The following NCALD variants were observed in gnomAD, a reference collection of about 807,000 sequenced individuals.
NCALD encodes neurocalcin-delta.
A neutral mutation model predicts 18.6 loss-of-function variants in NCALD; 10 were observed. That is an observed-to-expected ratio of 0.54 (90% CI 0.33 to 0.91). NCALD has a LOEUF of 0.91. Ranked by LOEUF, NCALD falls within the 40% of genes least tolerant of loss-of-function variation. The probability of loss-of-function intolerance (pLI) is 0.03; values close to 1 mark genes in which losing one functional copy is unlikely to be tolerated. For missense variants in NCALD, 184 were observed against 247.6 expected (o/e 0.74, Z 1.72); for synonymous variants, 88 against 87.4 (o/e 1.01, Z -0.04).
intron 2 of NCALD, among the ~76,000 whole-genome samples, chr8:101,695,229 A>G (rs1246099388): frequency 6.6e-6 from 1 of 152,220 alleles, no homozygotes; most frequent in Non-Finnish European, 1.5e-5. Context: ...GGAGTTGCAG[A>G]GGTGTTGCGG....
chr8:101,953,903 G>A (rs909624581), intron 2 of NCALD, among the ~76,000 whole-genome samples: 1 of 152,250 alleles, frequency 6.6e-6, no homozygotes, highest in African/African-American at 2.4e-5. Context: ...ATCAATCCCA[G>A]AGCTTGTGGC....
Position 101,743,574 on chromosome 8 carries a change from G to C in NCALD, c.-19-23926C>G, listed in dbSNP as rs187614624. Reference sequence around the variant, plus strand: ...GGGGATGTTGACAGGTGAGTACAAAGGGAAAGTGATACTTTCCTCTTGAAC... The same window carrying C: ...GGGGATGTTGACAGGTGAGTACAAACGGAAAGTGATACTTTCCTCTTGAAC... On this transcript the variant is annotated intron_variant, in intron 1 of 3. Transcript: ENST00000220931. Among the ~76,000 whole-genome samples the C allele has an allele frequency of 7.2e-4, 110 of 152,252 alleles. 1 individual carries two copies. The highest frequency in any genetic ancestry group is 1.0e-4 in the Non-Finnish European group (7 of 68,018).
At chr8:101,813,079 T>C (rs2131149993) in intron 4 of NCALD, among the ~76,000 whole-genome samples, 1 of 152,194 alleles carries the variant, frequency 6.6e-6, no homozygotes, top group Admixed American at 6.6e-5. Flanking sequence ...GAGATAGCAG[T>C]GAACAAGAAA....
intron 2 of NCALD, among the ~76,000 whole-genome samples, chr8:101,987,955 C>T (rs1820878198): frequency 6.6e-6 from 1 of 151,936 alleles, no homozygotes; most frequent in African/African-American, 2.4e-5. Flanking sequence ...GAGATCGAGA[C>T]CATCTTGGCT....
chr8:102,037,668 T>C (rs900921767), intron 1 of NCALD, among the ~76,000 whole-genome samples: 1 of 152,154 alleles, frequency 6.6e-6, no homozygotes, highest in Non-Finnish European at 1.5e-5. Flanking sequence ...TAACATATAT[T>C]ACACTTACAA....
At chr8:101,755,655 G>T (rs887080377) in intron 1 of NCALD, among the ~76,000 whole-genome samples, 1 of 152,192 alleles carries the variant, frequency 6.6e-6, no homozygotes, top group African/African-American at 2.4e-5. Flanking sequence ...CAGGGAATAG[G>T]TTTTAAAAAG....
At chr8:101,730,129 C>T (rs1816751772) in intron 1 of NCALD, among the ~76,000 whole-genome samples, 1 of 152,092 alleles carries the variant, frequency 6.6e-6, no homozygotes, top group African/African-American at 2.4e-5. Flanking sequence ...GTATGAAACC[C>T]ATATACTCTA....
intron 1 of NCALD, among the ~76,000 whole-genome samples, chr8:102,022,981 C>T (rs978587059): frequency 6.6e-6 from 1 of 152,188 alleles, no homozygotes; most frequent in Admixed American, 6.5e-5. Context: ...CACCCCATCT[C>T]ACACCCTCCC....
At chr8:101,758,337 C>A (rs1810972529) in intron 1 of NCALD, among the ~76,000 whole-genome samples, 1 of 152,296 alleles carries the variant, frequency 6.6e-6, no homozygotes, top group Admixed American at 6.5e-5. Context: ...CTGCTGACAT[C>A]CCAGTCTCCA....
intron 1 of NCALD, among the ~76,000 whole-genome samples, chr8:101,764,016 C>CACACACACACA (rs1563744473): frequency 6.6e-4 from 10 of 15,220 alleles, no homozygotes; most frequent in South Asian, 2.1e-3. Context: ...ACACACACAC[C>CACACACACACA]CCCTATTGGT....
chr8:101,824,404 A>G (rs540080205), intron 4 of NCALD, among the ~76,000 whole-genome samples: 3 of 152,270 alleles, frequency 2.0e-5, no homozygotes, highest in African/African-American at 7.2e-5. Context: ...ACAAATACAC[A>G]CAGAGCCTGC....
intron 1 of NCALD, among the ~76,000 whole-genome samples, chr8:102,064,638 G>A (rs1823946851): frequency 6.6e-6 from 1 of 152,196 alleles, no homozygotes; most frequent in Non-Finnish European, 1.5e-5. Context: ...GCCCCTTGGG[G>A]ATGGCAGCTA....
chr8:102,091,539 C>T (rs967749431), intron 1 of NCALD, among the ~76,000 whole-genome samples: 2 of 152,194 alleles, frequency 1.3e-5, no homozygotes, highest in African/African-American at 4.8e-5. Flanking sequence ...AACCCCATAT[C>T]AGCATGGTTT....
intron 2 of NCALD, among the ~76,000 whole-genome samples, chr8:101,709,537 T>C (rs1815689470): frequency 6.6e-6 from 1 of 152,202 alleles, no homozygotes; most frequent in Admixed American, 6.5e-5. Context: ...GGGAGGCAAA[T>C]GTAATTCCAT....
At chr8:102,050,810 T>C (rs914345520) in intron 1 of NCALD, among the ~76,000 whole-genome samples, 328 of 132,764 alleles carry the variant, frequency 2.5e-3, no homozygotes, top group Non-Finnish European at 4.2e-3. Context: ...TTAATTAATT[T>C]AATCATTTTT....
intron 4 of NCALD, among the ~76,000 whole-genome samples, chr8:101,842,889 A>C (rs562249013): frequency 6.6e-6 from 1 of 152,134 alleles, no homozygotes; most frequent in Non-Finnish European, 1.5e-5. Flanking sequence ...GAGAGAGAGA[A>C]AGGAGAGAAA....
rs111851798 is a variant in NCALD, at chr8:101,796,222, A to G, written c.-19-76574T>C. 7.3e-3 allele frequency among the ~76,000 whole-genome samples: 1,109 copies of G among 152,336 alleles called. 14 individuals carry two copies. The highest frequency in any genetic ancestry group is 0.024 in the African/African-American group (994 of 41,568). ...TTTTCCCCCTTTCTGACTACCTTCCAGAAAAATCGACCCTCTTTAAAGGAA... is the reference window on the plus strand; with the variant it reads ...TTTTCCCCCTTTCTGACTACCTTCCGGAAAAATCGACCCTCTTTAAAGGAA... On this transcript the variant is annotated intron_variant, in intron 4 of 6. Coordinates refer to the NCALD transcript ENST00000311028.
Position 101,719,367 on chromosome 8 carries a change from G to T in NCALD, c.263C>A (p.Ala88Asp). ...CTTCCCCCTCGAAGTTACACTCAAG[G>T]CGATGATGAATTCTCTAAAGTCTAT... ...GTIDFREFII[A>D]LSVTSRGKLE... Residue 88 changes from alanine (A) to aspartate (D), a missense_variant, in exon 2 of 4, where the codon GCC becomes GAC. Coordinates refer to ENST00000220931, the MANE Select transcript of NCALD (RefSeq NM_032041.3). The T allele has an allele frequency of 3.1e-6, 5 of 1,614,202 alleles. No individual in the cohort carries two copies. The highest frequency in any genetic ancestry group is 4.2e-6 in the Non-Finnish European group (5 of 1,180,040).
chr8:102,114,343 T>C (rs10111205), intron 1 of NCALD, among the ~76,000 whole-genome samples: 32,284 of 152,134 alleles, frequency 0.21, 3,843 homozygotes, highest in Middle Eastern at 0.3. Context: ...GTGGCCAAAC[T>C]CTGTCCAAGG....
Sources: gnomAD v4.1 joint callset for allele counts (sites outside exome capture counted in the v4.1 genomes callset) on GRCh38, gnomAD v4.1.1 for gene constraint, MANE v1.5 for transcripts, NCBI Gene and HGNC (gene_info 2026-07-23, HGNC 2026-07-21) for gene names.